Variants in ACAA2 observed in about 807,000 individuals in gnomAD.
The protein encoded by ACAA2 is 3-ketoacyl-CoA thiolase, mitochondrial.
Under a neutral mutation model 44.8 loss-of-function variants are expected in ACAA2, and 35 were observed. That is an observed-to-expected ratio of 0.78 (90% confidence interval 0.60 to 1.04). The LOEUF (loss-of-function observed/expected upper bound fraction) is 1.04, where lower values mean the gene tolerates loss of function less well. Ranked by LOEUF, ACAA2 falls within the 50% of genes least tolerant of loss-of-function variation. ACAA2 has a pLI of 0.00. For missense variants in ACAA2, 468 were observed against 482.6 expected, an observed-to-expected ratio of 0.97 and a Z score of 0.28; for synonymous variants, 142 against 166.5, an observed-to-expected ratio of 0.85 and a Z score of 1.13.
chr18:49,789,060 G>T (rs2023367276), intron 7 of ACAA2, among the ~76,000 whole-genome samples: 1 of 152,136 alleles, frequency 6.6e-6, no homozygotes, highest in South Asian at 2.1e-4. Flanking sequence ...AGCTGAAGAG[G>T]CTCAAAGTTC....
chr18:49,792,289 T>C lies in ACAA2; in HGVS notation c.616A>G (p.Ile206Val), dbSNP rs138932410. Residue 206 changes from isoleucine to valine, a missense_variant, in exon 6 of 10, where the codon ATT becomes GTT. By Grantham distance (29) the Ile-to-Val change is conservative. Coordinates refer to ENST00000285093, the MANE Select transcript of ACAA2 (RefSeq NM_006111.3). ...AGYFNDEMAP[I>V]EVKTKKGKQT... ...TTTCCTTTCTTTGTCTTCACTTCAATTGGTGCCATTTCATCATTAAAGTAG... is the reference window on the plus strand; with the variant it reads ...TTTCCTTTCTTTGTCTTCACTTCAACTGGTGCCATTTCATCATTAAAGTAG... The C allele has an allele frequency of 5.8e-5, 93 of 1,613,966 alleles. No homozygotes were observed. In the African/African-American group the frequency reaches 6.7e-4, roughly 12 times the overall value.
intron 1 of ACAA2, among the ~76,000 whole-genome samples, chr18:49,807,657 C>T (rs2023623634): frequency 6.6e-6 from 1 of 152,046 alleles, no homozygotes; most frequent in South Asian, 2.1e-4. Context: ...CATGATGGGA[C>T]CCTGTCTCTA....
chr18:49,787,143 G>A (rs973888308), intron 8 of ACAA2, 148 bp downstream of exon 8: 6 of 529,874 alleles, frequency 1.1e-5, no homozygotes, highest in African/African-American at 6.0e-5. Flanking sequence ...TCTAATGAAG[G>A]TACTATTTAT....
rs1363511885 is a variant in ACAA2 at position 49,813,502 on chromosome 18, C to T, written c.-18G>A. 5 of 1,240,322 alleles carry T rather than the reference C, an allele frequency of 4.0e-6. No individual in the cohort carries two copies. Among genetic ancestry groups the T allele is most frequent in the Non-Finnish European group, 5.1e-6 (5 of 988,044 alleles). The allele number at this position is 1,240,322 out of a possible 1,614,324, so 76.8% of individuals were successfully genotyped here. ...AGAGCCATGGCGGCTGCTGGGTCGT[C>T]GGCGGCGCGGGTCTGTGGTGTGGGG... On this transcript the variant is annotated 5_prime_UTR_variant, in exon 1 of 10. Coordinates refer to ENST00000285093, the MANE Select transcript of ACAA2 (RefSeq NM_006111.3).
intron 2 of ACAA2, among the ~76,000 whole-genome samples, chr18:49,802,190 T>G (rs1184897896): frequency 6.6e-6 from 1 of 152,198 alleles, no homozygotes; most frequent in Admixed American, 6.5e-5. Context: ...ACATACAGTT[T>G]CTAGAACATA....
At chr18:49,795,582 A>T (rs930618390) in intron 4 of ACAA2, among the ~76,000 whole-genome samples, 183 bp downstream of exon 4, 4 of 152,208 alleles carry the variant, frequency 2.6e-5, no homozygotes, top group African/African-American at 7.2e-5. Flanking sequence ...TAAAATGTCA[A>T]AACTAACCAC....
At chr18:49,811,676 C>G (rs2023671044) in intron 1 of ACAA2, 1 of 152,176 alleles carries the variant, frequency 6.6e-6, no homozygotes, top group Admixed American at 6.5e-5. Flanking sequence ...TTTAATGATT[C>G]TAGCTGGCCT....
At chr18:49,787,763 G>T (rs2023350867) in intron 7 of ACAA2, among the ~76,000 whole-genome samples, 1 of 152,168 alleles carries the variant, frequency 6.6e-6, no homozygotes, top group Admixed American at 6.6e-5. Context: ...CTTTAAGATT[G>T]AAAACAGCCA....
rs759272291 is a variant in ACAA2, at chr18:49,787,275, A to C, written c.954+16T>G. On this transcript the variant is annotated intron_variant, in intron 8 of 9. Transcript: ENST00000285093. Reference sequence around the variant, plus strand: ...TTCATGTTGTTAAAAAAAAAAAAAAAAAAAAAAACACTTACCTCTACCAAA... The same window carrying C: ...TTCATGTTGTTAAAAAAAAAAAAAACAAAAAAAACACTTACCTCTACCAAA... 5.7e-5 allele frequency: 83 copies of C among 1,462,496 alleles called. No homozygotes were observed. The East Asian group carries it at 1.9e-3, about 34-fold the overall frequency. The allele number at this position is 1,462,496 out of a possible 1,614,324, so 90.6% of individuals were successfully genotyped here.
chr18:49,800,283 GC>G (rs1382391361), intron 2 of ACAA2, among the ~76,000 whole-genome samples: 20 of 149,258 alleles, frequency 1.3e-4, no homozygotes, highest in African/African-American at 4.2e-4. Context: ...GGGGGGGTCA[GC>G]CCCCCGCCCG....
chr18:49,797,265 C>CTTTTT (rs11392686), intron 3 of ACAA2, among the ~76,000 whole-genome samples: 7 of 143,800 alleles, frequency 4.9e-5, no homozygotes, highest in Non-Finnish European at 6.0e-5. Flanking sequence ...TCATTATTAG[C>CTTTTT]TTTTTTTTTT....
At chr18:49,793,157 G>A (rs898649975) in intron 5 of ACAA2, among the ~76,000 whole-genome samples, 7 of 152,042 alleles carry the variant, frequency 4.6e-5, no homozygotes, top group Admixed American at 3.9e-4. Flanking sequence ...AATAGTGATA[G>A]GCAACCTGAA....
chr18:49,784,003 C>G, intron 9 of ACAA2, 72 bp from the exon 10 acceptor site: 1 of 1,215,176 alleles, frequency 8.2e-7, no homozygotes, highest in East Asian at 2.4e-5. Context: ...CTAATAACAT[C>G]ACATCTGCAT....
chr18:49,809,511 C>T (rs372937777), intron 1 of ACAA2, among the ~76,000 whole-genome samples: 4 of 152,290 alleles, frequency 2.6e-5, no homozygotes, highest in African/African-American at 9.6e-5. Context: ...GATAAACAAA[C>T]TGTGGTGCAG....
intron 1 of ACAA2, among the ~76,000 whole-genome samples, chr18:49,809,198 T>G (rs555001134): frequency 3.3e-5 from 5 of 152,324 alleles, no homozygotes; most frequent in African/African-American, 1.2e-4. Context: ...CTTCCCTTGT[T>G]CCCTAAAAAT....
At chr18:49,803,256 A>AT (rs1555790925) in intron 1 of ACAA2, among the ~76,000 whole-genome samples, 1 of 147,930 alleles carries the variant, frequency 6.8e-6, no homozygotes, top group Non-Finnish European at 1.5e-5. Flanking sequence ...AATAATAATA[A>AT]TAATAATAAT....
chr18:49,799,790 CATCCCGTCTAGGAGGTGAGGA>C (rs2023513239), intron 2 of ACAA2, among the ~76,000 whole-genome samples: 2 of 151,158 alleles, frequency 1.3e-5, no homozygotes, highest in South Asian at 2.1e-4. Context: ...TCCCAGCCGC[CATCCCGTCTAGGAGGTGAGGA>C]GCGTCTCTGC....
intron 6 of ACAA2, 72 bp downstream of exon 6, chr18:49,792,080 C>A (rs1392606693): frequency 2.4e-6 from 3 of 1,256,380 alleles, no homozygotes; most frequent in Non-Finnish European, 3.4e-6. Flanking sequence ...AAAGTATTTA[C>A]AAGATACTTC....
intron 2 of ACAA2, among the ~76,000 whole-genome samples, chr18:49,799,448 C>T (rs80180954): frequency 8.5e-5 from 13 of 152,246 alleles, no homozygotes; most frequent in African/African-American, 3.1e-4. Context: ...AGCTCCTAAC[C>T]GCGAGTGATC....
Sources: gnomAD v4.1 joint callset for allele counts (sites outside exome capture counted in the v4.1 genomes callset) on GRCh38, gnomAD v4.1.1 for gene constraint, MANE v1.5 for transcripts, NCBI Gene and HGNC (gene_info 2026-07-23, HGNC 2026-07-21) for gene names.